Variants in NFU1 observed in about 807,000 individuals in gnomAD.
NFU1 encodes NFU1 iron-sulfur cluster scaffold homolog, mitochondrial.
NFU1 carries 30 observed loss-of-function variants against 32.2 expected under a neutral mutation model. That is an observed-to-expected ratio of 0.93 (90% CI 0.70 to 1.26). The LOEUF is 1.26. Among genes scored for constraint, NFU1 ranks in the 50% most tolerant of loss-of-function variants. NFU1 has a pLI of 0.00. For synonymous variants in NFU1, 112 were observed against 104.6 expected (o/e 1.07, Z -0.43); for missense variants, 306 against 306.6 (o/e 1.00, Z 0.02).
Position 69,422,406 on chromosome 2 carries a change from G to A in NFU1, c.302+1176C>T, listed in dbSNP as rs188503019. ...AAGGGGGGACTACTGGTTTAAACAT[G>A]CCTTTATCTGGTGAATTTTAAAACT... On this transcript the variant is annotated intron_variant, in intron 3 of 7. Coordinates refer to ENST00000410022, the MANE Select transcript of NFU1 (RefSeq NM_001002755.4). Among the ~76,000 whole-genome samples, 3 of 152,248 alleles carry A rather than the reference G, an allele frequency of 2.0e-5. No individual in the cohort carries two copies. In the East Asian group the frequency reaches 5.8e-4, roughly 29 times the overall value.
chr2:69,402,294 T>C (rs892541570), intron 6 of NFU1, among the ~76,000 whole-genome samples: 1 of 152,206 alleles, frequency 6.6e-6, no homozygotes, highest in African/African-American at 2.4e-5. Context: ...ATAAACACTG[T>C]AAATATCTTC....
intron 5 of NFU1, among the ~76,000 whole-genome samples, chr2:69,406,828 T>C (rs760947189): frequency 3.3e-4 from 50 of 152,180 alleles, no homozygotes; most frequent in Non-Finnish European, 5.7e-4. Context: ...GAACTTCAGT[T>C]CCCATAATCC....
At chr2:69,421,562 C>CTTTTTTTTTTTTTTT (rs763705011) in intron 3 of NFU1, among the ~76,000 whole-genome samples, 1 of 70,742 alleles carries the variant, frequency 1.4e-5, no homozygotes, top group Non-Finnish European at 2.5e-5. Flanking sequence ...ATCATTTGTG[C>CTTTTTTTTTTTTTTT]TTTTTTTTTT....
At chr2:69,438,316 G>C (rs1369367063), upstream of NFU1, among the ~76,000 whole-genome samples, 2 of 151,576 alleles carry the variant, frequency 1.3e-5, no homozygotes, top group Non-Finnish European at 2.9e-5. Context: ...GCAGGAGTGC[G>C]ATCATAGCTC....
chr2:69,415,896 G>T (rs1673034513), intron 4 of NFU1, among the ~76,000 whole-genome samples: 1 of 152,156 alleles, frequency 6.6e-6, no homozygotes, highest in Non-Finnish European at 1.5e-5. Flanking sequence ...GGAAGCTGAG[G>T]CAAGAGGATT....
chr2:69,413,558 C>T (rs922259762), intron 5 of NFU1, among the ~76,000 whole-genome samples: 1 of 152,214 alleles, frequency 6.6e-6, no homozygotes, highest in South Asian at 2.1e-4. Context: ...GTCAGGAGTT[C>T]GGGATCAGCC....
chr2:69,415,959 T>C (rs1467781757), intron 4 of NFU1, among the ~76,000 whole-genome samples: 1 of 149,902 alleles, frequency 6.7e-6, no homozygotes, highest in East Asian at 1.9e-4. Flanking sequence ...AGACTTCGTC[T>C]CTTTTTATAT....
rs958862258 is a variant in NFU1 at position 69,427,892 on chromosome 2, G to A, written c.166+4010C>T. ...ACAAAAATTAGCCAGGCGTGGTAGT[G>A]CGCTCCTGTAATCCCAGCTACTTAG... On this transcript the variant is annotated intron_variant, in intron 2 of 7. Transcript: ENST00000410022. Among the ~76,000 whole-genome samples the A allele has an allele frequency of 5.3e-5, 8 of 151,732 alleles. No homozygotes were observed. In the South Asian group the frequency reaches 1.7e-3, roughly 32 times the overall value.
intron 2 of NFU1, among the ~76,000 whole-genome samples, chr2:69,428,751 G>A (rs1673545969): frequency 6.6e-6 from 1 of 152,192 alleles, no homozygotes; most frequent in Admixed American, 6.5e-5. Flanking sequence ...TATTTTAGGA[G>A]AGAGAATAGA....
intron 5 of NFU1, among the ~76,000 whole-genome samples, chr2:69,407,789 C>T (rs1574119301): frequency 2.0e-5 from 3 of 151,634 alleles, no homozygotes; most frequent in East Asian, 3.9e-4. Context: ...GAGGCAGACG[C>T]GTCACCTGAG....
At chr2:69,435,021 A>T (rs1413670537) in intron 1 of NFU1, among the ~76,000 whole-genome samples, 3 of 152,200 alleles carry the variant, frequency 2.0e-5, no homozygotes, top group Non-Finnish European at 2.9e-5. Context: ...TCTACAAGAG[A>T]GATGTTTTCT....
At chr2:69,436,905 T>C (rs1030502979) in intron 1 of NFU1, among the ~76,000 whole-genome samples, 5 of 152,194 alleles carry the variant, frequency 3.3e-5, no homozygotes, top group African/African-American at 1.2e-4. Context: ...ACCTTGGACA[T>C]GTCACCTCCT....
chr2:69,412,595 C>A (rs1370481991), intron 5 of NFU1, among the ~76,000 whole-genome samples: 1 of 152,050 alleles, frequency 6.6e-6, no homozygotes, highest in African/African-American at 2.4e-5. Context: ...CCATGTTGGT[C>A]AGGCTGGTCT....
intron 6 of NFU1, among the ~76,000 whole-genome samples, chr2:69,404,128 G>A (rs1399866700): frequency 2.0e-5 from 3 of 150,548 alleles, no homozygotes; most frequent in Non-Finnish European, 4.4e-5. Context: ...GTGAGGCACC[G>A]CACCCGGCCT....
intron 7 of NFU1, among the ~76,000 whole-genome samples, 160 bp from the exon 8 acceptor site, chr2:69,396,450 A>G (rs541374129): frequency 2.0e-5 from 3 of 152,174 alleles, no homozygotes; most frequent in Non-Finnish European, 2.9e-5. Context: ...ACAAGGTTTG[A>G]ATCATAACCC....
intron 7 of NFU1, chr2:69,399,502 G>A: frequency 5.6e-6 from 2 of 354,656 alleles, no homozygotes; most frequent in South Asian, 4.4e-5. Flanking sequence ...GCATATTTAA[G>A]AATACATAGA....
At chr2:69,416,404 TTTTAA>T (rs1673056984) in intron 4 of NFU1, among the ~76,000 whole-genome samples, 1 of 149,422 alleles carries the variant, frequency 6.7e-6, no homozygotes, top group Non-Finnish European at 1.5e-5. Context: ...ACTTTCATTG[TTTTAA>T]TTTGATTTAA....
intron 4 of NFU1, among the ~76,000 whole-genome samples, chr2:69,417,867 A>C (rs538487457): frequency 2.4e-4 from 37 of 152,068 alleles, no homozygotes; most frequent in South Asian, 4.1e-4. Flanking sequence ...AAAAAAAAAA[A>C]AACCAAAACC....
chr2:69,423,515 G>C, intron 3 of NFU1, 67 bp downstream of exon 3: 19 of 1,442,308 alleles, frequency 1.3e-5, no homozygotes, highest in Non-Finnish European at 1.8e-5. Flanking sequence ...AAACAGAGTT[G>C]TCTTAACCCC....
Sources: gnomAD v4.1 joint callset for allele counts (sites outside exome capture counted in the v4.1 genomes callset) on GRCh38, gnomAD v4.1.1 for gene constraint, MANE v1.5 for transcripts, NCBI Gene and HGNC (gene_info 2026-07-23, HGNC 2026-07-21) for gene names.